Variants in NEBL observed in about 807,000 individuals in gnomAD.
NEBL encodes the protein LIM and SH3 protein 2.
NEBL carries 122 observed loss-of-function variants against 140.2 expected under a neutral mutation model. That is an observed-to-expected ratio of 0.87 (90% CI 0.75 to 1.01). The LOEUF is 1.01. Ranked by LOEUF, NEBL falls within the 50% of genes least tolerant of loss-of-function variation. NEBL has a pLI of 0.00. For missense variants in NEBL, 1,365 were observed against 1,231.3 expected, an observed-to-expected ratio of 1.11 and a Z score of -1.62; for synonymous variants, 436 against 398.9, an observed-to-expected ratio of 1.09 and a Z score of -1.11.
At chr10:20,974,528 C>A (rs1445716023) in intron 3 of NEBL, among the ~76,000 whole-genome samples, 1 of 152,112 alleles carries the variant, frequency 6.6e-6, no homozygotes, top group Admixed American at 6.5e-5. Flanking sequence ...GAACTATAAG[C>A]ATGAGCCACT....
chr10:20,889,933 T>C lies in NEBL; in HGVS notation c.170A>G (p.Glu57Gly), dbSNP rs1486952071. 5 of 1,601,236 alleles carry C rather than the reference T, an allele frequency of 3.1e-6. No individual in the cohort carries two copies. Among genetic ancestry groups the C allele is most frequent in the Non-Finnish European group, 4.3e-6 (5 of 1,169,892 alleles). Residue 57 changes from glutamate to glycine, a missense_variant, in exon 3 of 28, where the codon GAG (glutamate) becomes GGG (glycine). Physicochemically the swap from Glu to Gly is moderately conservative, Grantham distance 98 (BLOSUM62 -2). Coordinates refer to ENST00000377122, the MANE Select transcript of NEBL (RefSeq NM_006393.3). ...ACACTTATCCTTGGACTTTTTAAACTCTTCTTTATAACGGATCTAAAAAAG... is the reference window on the plus strand; with the variant it reads ...ACACTTATCCTTGGACTTTTTAAACCCTTCTTTATAACGGATCTAAAAAAG... ...ELISDIRYKE[E>G]FKKSKDKCTF... is the part of the protein sequence containing the mutation.
intron 17 of NEBL, 71 bp downstream of exon 17, chr10:20,828,459 G>A (rs1205608078): frequency 1.3e-5 from 13 of 967,232 alleles, no homozygotes; most frequent in Non-Finnish European, 1.7e-6. Flanking sequence ...ATCAGACAAT[G>A]AGGAAAAAAG....
chr10:20,816,135 G>A (rs1234433390), intron 21 of NEBL, among the ~76,000 whole-genome samples: 3 of 152,114 alleles, frequency 2.0e-5, no homozygotes, highest in Non-Finnish European at 4.4e-5. Flanking sequence ...ATTTTCAGAG[G>A]TTGAGTTGTA....
intron 2 of NEBL, among the ~76,000 whole-genome samples, chr10:21,083,392 C>A (rs186342964): frequency 6.6e-6 from 1 of 152,300 alleles, no homozygotes; most frequent in Non-Finnish European, 1.5e-5. Context: ...AGTAGCAGCA[C>A]CCCACCTCCT....
In NEBL at chr10:20,831,368, A is replaced by G. The variant is rs563851888; in HGVS notation, c.1561-62T>C. The G allele has an allele frequency of 5.3e-6, 8 of 1,513,596 alleles. No homozygotes were observed. The South Asian group carries it at 9.0e-5, about 17-fold the overall frequency. The allele number at this position is 1,513,596 out of a possible 1,614,324, so 93.8% of individuals were successfully genotyped here. On this transcript the variant is annotated intron_variant, in intron 15 of 27. Coordinates refer to ENST00000377122, the MANE Select transcript of NEBL (RefSeq NM_006393.3). ...AGCTTTAATAGCGATGTTGAAATTT[A>G]CATGTTTGAATCTCAAAGCCACCCA...
At chr10:20,997,374 C>T (rs951666642) in intron 3 of NEBL, among the ~76,000 whole-genome samples, 6 of 150,260 alleles carry the variant, frequency 4.0e-5, no homozygotes, top group South Asian at 2.1e-4. Context: ...ATGGCACTGC[C>T]AAGGGGGGCA....
upstream of NEBL, among the ~76,000 whole-genome samples, chr10:21,175,498 T>G (rs1216089670): frequency 1.3e-5 from 2 of 152,178 alleles, no homozygotes; most frequent in Admixed American, 6.5e-5. Flanking sequence ...ATTTCTGTCA[T>G]TTCAAAAAAA....
At chr10:20,794,426 C>G (rs961609157) in intron 26 of NEBL, among the ~76,000 whole-genome samples, 1 of 152,074 alleles carries the variant, frequency 6.6e-6, no homozygotes, top group Admixed American at 6.5e-5. Context: ...TACTGCTGAC[C>G]ATACTACAGT....
chr10:21,150,733 C>T (rs966601239), intron 2 of NEBL, among the ~76,000 whole-genome samples: 11 of 152,092 alleles, frequency 7.2e-5, no homozygotes, highest in South Asian at 4.1e-4. Context: ...AAGTCACACC[C>T]GAAGCCAACA....
chr10:21,221,138 G>GGAGA (rs1564544816), intron 3 of NEBL, among the ~76,000 whole-genome samples: 1 of 152,002 alleles, frequency 6.6e-6, no homozygotes, highest in Non-Finnish European at 1.5e-5. Flanking sequence ...TGGGTGACAG[G>GGAGA]GAGAGACTCT....
At chr10:20,942,962 G>A (rs939724669) in intron 4 of NEBL, among the ~76,000 whole-genome samples, 1 of 152,192 alleles carries the variant, frequency 6.6e-6, no homozygotes, top group African/African-American at 2.4e-5. Context: ...AGGATGTGGA[G>A]AAATAGGAAC....
intron 7 of NEBL, chr10:20,868,363 G>T: frequency 3.0e-6 from 1 of 333,868 alleles, no homozygotes; most frequent in Admixed American, 4.3e-5. Flanking sequence ...CAATTATTTA[G>T]TATGACTATT....
chr10:21,165,214 C>G (rs769419831), intron 2 of NEBL, among the ~76,000 whole-genome samples: 3 of 152,144 alleles, frequency 2.0e-5, no homozygotes, highest in Non-Finnish European at 4.4e-5. Flanking sequence ...TACAATTTAA[C>G]CCAGAAGGAA....
chr10:21,261,092 C>T (rs575598142), intron 1 of NEBL, among the ~76,000 whole-genome samples: 14 of 152,162 alleles, frequency 9.2e-5, no homozygotes, highest in Admixed American at 1.3e-4. Flanking sequence ...GATAGTTGTC[C>T]GCTTGAATCA....
chr10:21,184,411 T>C (rs1841432391), intron 3 of NEBL, among the ~76,000 whole-genome samples: 1 of 152,212 alleles, frequency 6.6e-6, no homozygotes, highest in Non-Finnish European at 1.5e-5. Flanking sequence ...CAAACAAGCA[T>C]GGAGCCTGCT....
At chr10:21,155,693 A>T (rs1840311479) in intron 2 of NEBL, among the ~76,000 whole-genome samples, 1 of 152,210 alleles carries the variant, frequency 6.6e-6, no homozygotes, top group African/African-American at 2.4e-5. Context: ...CAAACAATTG[A>T]CACACCTGAA....
chr10:20,810,019 GC>G (rs2130771662), intron 24 of NEBL, 121 bp from the exon 25 acceptor site: 1 of 713,784 alleles, frequency 1.4e-6, no homozygotes, highest in East Asian at 2.7e-5. Context: ...GATATAAGAA[GC>G]AAACATGTAA....
intron 1 of NEBL, among the ~76,000 whole-genome samples, chr10:21,277,451 C>G (rs1842939308): frequency 6.6e-6 from 1 of 152,134 alleles, no homozygotes. Flanking sequence ...CTCAAGTGAT[C>G]CACCCACTTT....
At chr10:21,203,148 CTTTA>C (rs2132228848) in intron 3 of NEBL, among the ~76,000 whole-genome samples, 1 of 152,242 alleles carries the variant, frequency 6.6e-6, no homozygotes, top group East Asian at 1.9e-4. Context: ...AAAAATCAGC[CTTTA>C]TTAATATGCT....
Sources: allele counts gnomAD v4.1 joint callset (sites outside exome capture counted in the v4.1 genomes callset), GRCh38; gene constraint gnomAD v4.1.1; transcripts MANE v1.5; gene names NCBI Gene and HGNC (gene_info 2026-07-23, HGNC 2026-07-21).